Variants in TUBA4B observed in about 807,000 individuals in gnomAD.
The protein encoded by TUBA4B is tubulin alpha 4b, also known as tubulin-like protein alpha-4B.
Under a neutral mutation model 18.4 loss-of-function variants are expected in TUBA4B, and 13 were observed. That is an observed-to-expected ratio of 0.71 (90% CI 0.46 to 1.12). The LOEUF is 1.12. TUBA4B is among the 50% of genes most tolerant of loss of function. TUBA4B has a pLI of 0.00. For missense variants in TUBA4B, 244 were observed against 250.0 expected, an observed-to-expected ratio of 0.98 and a Z score of 0.16; for synonymous variants, 101 against 99.1, an observed-to-expected ratio of 1.02 and a Z score of -0.11.
intron 2 of TUBA4B, among the ~76,000 whole-genome samples, chr2:219,268,989 G>A (rs1045574532): frequency 5.3e-5 from 8 of 152,112 alleles, no homozygotes; most frequent in South Asian, 2.1e-4. Flanking sequence ...CCAGCTACTC[G>A]GGAGGCTGAG....
intron 1 of TUBA4B, among the ~76,000 whole-genome samples, chr2:219,257,340 CTTTTTTT>C (rs768367065): frequency 1.1e-5 from 1 of 92,614 alleles, no homozygotes; most frequent in Non-Finnish European, 2.1e-5. Context: ...TGCGCCCAGC[CTTTTTTT>C]TTTTTTTTTT....
intron 2 of TUBA4B, among the ~76,000 whole-genome samples, chr2:219,267,948 G>A (rs1216799854): frequency 9.2e-5 from 14 of 152,106 alleles, no homozygotes; most frequent in Non-Finnish European, 2.9e-5. Flanking sequence ...GCATGGGCTA[G>A]TAGTTCTGGG....
intron 1 of TUBA4B, chr2:219,266,120 C>G (rs555007362): frequency 1.6e-3 from 282 of 177,022 alleles, no homozygotes; most frequent in Middle Eastern, 2.5e-3. Flanking sequence ...ACTTACAGCC[C>G]TCAGCAACCC....
intron 1 of TUBA4B, chr2:219,266,178 C>A: frequency 7.6e-6 from 2 of 261,656 alleles, no homozygotes; most frequent in Non-Finnish European, 1.5e-5. Context: ...GGTGCTGGAG[C>A]TCAGGGTCTT....
chr2:219,259,353 G>C (rs565381853), intron 1 of TUBA4B, among the ~76,000 whole-genome samples: 137 of 150,532 alleles, frequency 9.1e-4, no homozygotes, highest in African/African-American at 3.2e-3. Flanking sequence ...AATGCCCAAG[G>C]CATGTTAGTG....
chr2:219,269,159 T>G (rs1261380925), intron 2 of TUBA4B, among the ~76,000 whole-genome samples: 3 of 152,042 alleles, frequency 2.0e-5, no homozygotes, highest in African/African-American at 7.3e-5. Context: ...AAATAGAATC[T>G]GTCTCCAATT....
At chr2:219,253,784 C>T in intron 1 of TUBA4B, 2 of 1,518,726 alleles carry the variant, frequency 1.3e-6, no homozygotes, top group African/African-American at 1.4e-5. Flanking sequence ...CCCGAGCATG[C>T]CTGGAAGAAG....
chr2:219,253,401 A>G lies in TUBA4B; in HGVS notation c.-7A>G. ...ATAGTTGGAATGCATACACAGAGGA[A>G]AGGGGGATGCGGCACCAGGTAACCT... On this transcript the variant is annotated 5_prime_UTR_variant, in exon 1 of 4. Transcript: ENST00000490341. 8 of 1,532,816 alleles carry G rather than the reference A, an allele frequency of 5.2e-6. No homozygotes were observed. The highest frequency in any genetic ancestry group is 7.0e-6 in the Non-Finnish European group (8 of 1,143,986). 95.0% of individuals were successfully genotyped at this position (1,532,816 alleles called of 1,614,324 possible).
At chr2:219,253,644 C>T (rs1219517305) in intron 1 of TUBA4B, among the ~76,000 whole-genome samples, 1 of 152,230 alleles carries the variant, frequency 6.6e-6, no homozygotes, top group Admixed American at 6.5e-5. Context: ...AGTCGCACTC[C>T]ACCCCAAGCC....
chr2:219,258,642 T>A (rs942370883), intron 1 of TUBA4B, among the ~76,000 whole-genome samples: 5 of 152,128 alleles, frequency 3.3e-5, no homozygotes, highest in African/African-American at 1.2e-4. Context: ...CCTGGCTCAT[T>A]TTGGACTTCT....
At chr2:219,269,570 T>G (rs560981180) in intron 2 of TUBA4B, among the ~76,000 whole-genome samples, 1 of 152,154 alleles carries the variant, frequency 6.6e-6, no homozygotes, top group Non-Finnish European at 1.5e-5. Context: ...AGGAACCATG[T>G]CCAGGCATGA....
intron 1 of TUBA4B, among the ~76,000 whole-genome samples, chr2:219,260,111 C>A (rs914908129): frequency 3.9e-5 from 6 of 151,986 alleles, no homozygotes; most frequent in African/African-American, 1.4e-4. Context: ...CGGCTTCTAG[C>A]TTTTGTCCTG....
In TUBA4B at chr2:219,266,529, G is replaced by C. The variant is rs1951790675; in HGVS notation, c.21G>C (p.Glu7Asp). The C allele has an allele frequency of 5.7e-6, 4 of 702,896 alleles. No homozygotes were observed. The South Asian group carries it at 5.9e-5, about 10-fold the overall frequency. 43.5% of individuals were successfully genotyped at this position (702,896 alleles called of 1,614,324 possible). MRHQQTERQDPSQPLSR... is the reference protein window; with the variant it reads MRHQQTDRQDPSQPLSR... ...TGCTCACTATCCTGCAGCAGACAGAGAGACAAGACCCCAGCCAGCCCCTGT... is the reference window on the plus strand; with the variant it reads ...TGCTCACTATCCTGCAGCAGACAGACAGACAAGACCCCAGCCAGCCCCTGT... The change falls in exon 2 of 4, where the codon GAG becomes GAC. Residue 7 changes from glutamate (E) to aspartate (D), a missense_variant. Physicochemically the swap from Glu to Asp is conservative, Grantham distance 45. Transcript: ENST00000490341.
intron 1 of TUBA4B, chr2:219,266,186 C>T (rs77492692): frequency 0.014 from 3,977 of 279,992 alleles, 159 homozygotes; most frequent in African/African-American, 0.081. Flanking sequence ...AGCTCAGGGT[C>T]TTGATTTCTA....
chr2:219,263,304 C>T (rs1481058596), intron 1 of TUBA4B, among the ~76,000 whole-genome samples: 3 of 152,068 alleles, frequency 2.0e-5, no homozygotes, highest in East Asian at 3.9e-4. Context: ...ACCAGCCTGG[C>T]GAACATGGTG....
intron 2 of TUBA4B, among the ~76,000 whole-genome samples, chr2:219,267,724 C>G (rs746333309): frequency 6.6e-6 from 1 of 152,038 alleles, no homozygotes; most frequent in Non-Finnish European, 1.5e-5. Flanking sequence ...GCCACCACAT[C>G]TGGCTAATTT....
chr2:219,264,043 G>A (rs1951774568), intron 1 of TUBA4B, among the ~76,000 whole-genome samples: 1 of 152,372 alleles, frequency 6.6e-6, no homozygotes, highest in East Asian at 1.9e-4. Flanking sequence ...ACAAAGATAT[G>A]TTGTAGGGCC....
chr2:219,267,702 C>T (rs1338611980), intron 2 of TUBA4B, among the ~76,000 whole-genome samples: 2 of 151,700 alleles, frequency 1.3e-5, no homozygotes, highest in Admixed American at 6.6e-5. Context: ...GTAGCTGGGA[C>T]TACAGGCGCT....
intron 1 of TUBA4B, among the ~76,000 whole-genome samples, chr2:219,257,641 CAAAAAAAAAAAAA>C (rs1158116997): frequency 1.9e-4 from 8 of 41,498 alleles, no homozygotes; most frequent in South Asian, 1.7e-3. Flanking sequence ...GACACTGTCT[CAAAAAAAAAAAAA>C]AAAAAAAAAA....
Sources: allele counts gnomAD v4.1 joint callset (sites outside exome capture counted in the v4.1 genomes callset), GRCh38; gene constraint gnomAD v4.1.1; transcripts MANE v1.5; gene names NCBI Gene and HGNC (gene_info 2026-07-23, HGNC 2026-07-21).